Variants in MAGI1 observed in about 807,000 individuals in gnomAD.
MAGI1 encodes membrane-associated guanylate kinase, WW and PDZ domain-containing protein 1.
A neutral mutation model predicts 139.9 loss-of-function variants in MAGI1; 58 were observed. That is an observed-to-expected ratio of 0.41 (90% CI 0.34 to 0.52). The LOEUF is 0.52. Among genes scored for constraint, MAGI1 ranks in the 20% least tolerant of loss-of-function variants. The pLI is 0.12. For synonymous variants in MAGI1, 812 were observed against 737.9 expected (o/e 1.10, Z -1.63); for missense variants, 1,874 against 1,901.6 (o/e 0.99, Z 0.27).
chr3:65,553,338 G>A (rs2079937831), intron 2 of MAGI1, among the ~76,000 whole-genome samples: 1 of 151,402 alleles, frequency 6.6e-6, no homozygotes, highest in South Asian at 2.1e-4. Flanking sequence ...CCTACATTTT[G>A]GTCATGTTCA....
chr3:65,815,511 G>A (rs76370421), intron 1 of MAGI1, among the ~76,000 whole-genome samples: 5,442 of 151,964 alleles, frequency 0.036, 131 homozygotes, highest in Middle Eastern at 0.051. Context: ...ACCTTAATTC[G>A]TCATTGGATA....
intron 2 of MAGI1, among the ~76,000 whole-genome samples, chr3:65,502,092 T>C (rs540402062): frequency 4.6e-5 from 7 of 152,294 alleles, no homozygotes; most frequent in Non-Finnish European, 1.0e-4. Flanking sequence ...CCTGCGGTGG[T>C]GGTTGCACGA....
At chr3:65,827,540 AGC>A (rs768118116) in intron 1 of MAGI1, among the ~76,000 whole-genome samples, 45 of 152,314 alleles carry the variant, frequency 3.0e-4, no homozygotes, top group Non-Finnish European at 5.7e-4. Flanking sequence ...CTTGCTCCGA[AGC>A]CCACTGCCTT....
intron 1 of MAGI1, among the ~76,000 whole-genome samples, chr3:65,741,816 G>T (rs1238893127): frequency 6.6e-6 from 1 of 152,156 alleles, no homozygotes; most frequent in Non-Finnish European, 1.5e-5. Context: ...TCAACAAGGA[G>T]ATCCACACTC....
intron 5 of MAGI1, among the ~76,000 whole-genome samples, chr3:65,457,925 A>G (rs1019118088): frequency 6.6e-6 from 1 of 152,004 alleles, no homozygotes; most frequent in Non-Finnish European, 1.5e-5. Context: ...GCCATTAACC[A>G]TCTCCACTTC....
chr3:65,888,667 A>AT (rs879409773), intron 1 of MAGI1, among the ~76,000 whole-genome samples: 1 of 152,094 alleles, frequency 6.6e-6, no homozygotes, highest in Admixed American at 6.6e-5. Context: ...AATCTTTAAG[A>AT]TTTTTTTTAA....
intron 2 of MAGI1, among the ~76,000 whole-genome samples, chr3:65,502,825 T>C (rs1426017953): frequency 6.6e-6 from 1 of 151,912 alleles, no homozygotes; most frequent in African/African-American, 2.4e-5. Context: ...ACAATTCCAA[T>C]GTGAAAAGAA....
intron 10 of MAGI1, among the ~76,000 whole-genome samples, chr3:65,431,103 T>C (rs1947420713): frequency 6.6e-6 from 1 of 152,090 alleles, no homozygotes; most frequent in African/African-American, 2.4e-5. Flanking sequence ...AACTCCAGGG[T>C]CCAAAAGAAA....
intron 1 of MAGI1, among the ~76,000 whole-genome samples, chr3:65,885,223 A>AC (rs1173124324): frequency 1.3e-5 from 2 of 151,820 alleles, no homozygotes; most frequent in Non-Finnish European, 2.9e-5. Flanking sequence ...ACACAGTGAA[A>AC]CCCCATTTCT....
rs1416987470 is a variant in MAGI1, at chr3:65,930,340, A to AAAAAAAAT, written c.313+107655_313+107656insATTTTTTT. 3.5e-5 allele frequency among the ~76,000 whole-genome samples: 5 copies of AAAAAAAAT among 142,094 alleles called. 1 individual carries two copies. Among genetic ancestry groups the AAAAAAAAT allele is most frequent in the Non-Finnish European group, 6.1e-5 (4 of 65,496 alleles). 93.2% of individuals were successfully genotyped at this position (142,094 alleles called of 152,430 possible). A position where few individuals can be genotyped will look rare whatever the true frequency, so the allele number is the denominator to read the frequency against. ...CAAAAAAAAAAAAAAAAAAAAAAAA[A>AAAAAAAAT]ATGTTATTTGTATCTAAAGGAAAAA... On this transcript the variant is annotated intron_variant, in intron 1 of 22. Transcript: ENST00000402939.
intron 1 of MAGI1, among the ~76,000 whole-genome samples, chr3:65,963,559 T>G (rs1233696290): frequency 6.6e-6 from 1 of 152,112 alleles, no homozygotes; most frequent in Non-Finnish European, 1.5e-5. Context: ...GAGGTTGTAG[T>G]GAGCCAAGAT....
At chr3:65,664,507 C>T (rs891961471) in intron 1 of MAGI1, among the ~76,000 whole-genome samples, 1 of 152,168 alleles carries the variant, frequency 6.6e-6, no homozygotes, top group African/African-American at 2.4e-5. Flanking sequence ...AATAACTTAT[C>T]CAAGTGGCAA....
At chr3:65,744,376 G>A (rs955814559) in intron 1 of MAGI1, among the ~76,000 whole-genome samples, 23 of 152,292 alleles carry the variant, frequency 1.5e-4, no homozygotes, top group South Asian at 4.1e-4. Context: ...ACCTCCCTCC[G>A]AGGGCCCAAA....
At chr3:65,498,438 GAAA>G (rs201771614) in intron 2 of MAGI1, among the ~76,000 whole-genome samples, 4 of 150,420 alleles carry the variant, frequency 2.7e-5, no homozygotes. Flanking sequence ...CCCCAAAAAA[GAAA>G]AAAAAATATA....
intron 2 of MAGI1, among the ~76,000 whole-genome samples, chr3:65,529,268 C>T (rs1394630830): frequency 6.6e-6 from 1 of 152,122 alleles, no homozygotes; most frequent in South Asian, 2.1e-4. Context: ...AATTCAGTGA[C>T]AGTACATTCA....
At chr3:65,682,049 A>G (rs780312029) in intron 1 of MAGI1, among the ~76,000 whole-genome samples, 29 of 152,234 alleles carry the variant, frequency 1.9e-4, no homozygotes, top group African/African-American at 6.3e-4. Flanking sequence ...CACATCCACA[A>G]TTTTAACTTC....
intron 14 of MAGI1, 57 bp from the exon 15 acceptor site, chr3:65,383,680 C>T (rs1448448646): frequency 9.7e-7 from 1 of 1,028,032 alleles, no homozygotes; most frequent in African/African-American, 1.6e-5. Flanking sequence ...GCAATGATAC[C>T]CCCAAGATGA....
chr3:65,505,698 CT>C (rs1394236821), intron 2 of MAGI1, among the ~76,000 whole-genome samples: 1 of 150,652 alleles, frequency 6.6e-6, no homozygotes, highest in African/African-American at 2.4e-5. Flanking sequence ...TACATGGTTT[CT>C]TTGGGGAATA....
chr3:65,784,069 C>G (rs994291713), intron 1 of MAGI1, among the ~76,000 whole-genome samples: 19 of 151,800 alleles, frequency 1.3e-4, no homozygotes, highest in Middle Eastern at 3.4e-3. Flanking sequence ...GTTGCAGTGA[C>G]CTGAGATTGT....
Sources: allele counts gnomAD v4.1 joint callset (sites outside exome capture counted in the v4.1 genomes callset), GRCh38; gene constraint gnomAD v4.1.1; transcripts MANE v1.5; gene names NCBI Gene and HGNC (gene_info 2026-07-23, HGNC 2026-07-21).